The following NOC4L variants were observed in gnomAD, a reference collection of about 807,000 sequenced individuals.
NOC4L encodes nucleolar complex protein 4 homolog.
Under a neutral mutation model 62.8 loss-of-function variants are expected in NOC4L, and 40 were observed. The observed-to-expected ratio is 0.64, with a 90% CI of 0.49 to 0.83. The LOEUF (loss-of-function observed/expected upper bound fraction) is 0.83, where lower values mean the gene tolerates loss of function less well. Among genes scored for constraint, NOC4L ranks in the 40% least tolerant of loss-of-function variants. The probability of loss-of-function intolerance (pLI) is 0.00; values close to 1 mark genes in which losing one functional copy is unlikely to be tolerated. For missense variants in NOC4L, 927 were observed against 701.9 expected (o/e 1.32, Z -3.62); for synonymous variants, 433 against 299.8 (o/e 1.44, Z -4.59).
rs745732349 is a variant in NOC4L, at chr12:132,144,990, C to T, written c.238+16C>T. On this transcript the variant is annotated intron_variant, in intron 2 of 14. Coordinates refer to ENST00000330579, the MANE Select transcript of NOC4L (RefSeq NM_024078.3). ...GTCATGACAGGTGAGCCCTGGAGGG[C>T]CCCGGGGCTGCTCTTCTCTTTCCGT... The T allele has an allele frequency of 1.3e-6, 2 of 1,583,332 alleles. No individual in the cohort carries two copies. The highest frequency in any genetic ancestry group is 1.7e-6 in the Non-Finnish European group (2 of 1,164,494).
In NOC4L at chr12:132,152,385, A is replaced by G; in HGVS notation, c.1535A>G (p.His512Arg). The G allele has an allele frequency of 6.3e-7, 1 of 1,580,202 alleles. No individual in the cohort carries two copies. Among genetic ancestry groups the G allele is most frequent in the Non-Finnish European group, 8.6e-7 (1 of 1,161,888 alleles). The stretch of plus-strand genomic sequence containing the variant: ...CGGCCGGGTGAACTCTGTGCCCAGC[A>G]CTTCACGCTCAGCTGACCCTGGCCC... ...LGRPGELCAQ[H>R]FTLS The change falls in exon 15 of 15, where the codon CAC becomes CGC. Residue 512 changes from histidine (H) to arginine (R), a missense_variant. Coordinates refer to ENST00000330579, the MANE Select transcript of NOC4L (RefSeq NM_024078.3).
intron 3 of NOC4L, 41 bp from the exon 4 acceptor site, chr12:132,147,240 G>C (rs189528959): frequency 1.2e-5 from 17 of 1,403,722 alleles, no homozygotes; most frequent in Non-Finnish European, 9.5e-7. Context: ...CCATCCGTGG[G>C]GTGAGGGCAT....
In NOC4L at chr12:132,152,340, C is replaced by A. The variant is rs768262730; in HGVS notation, c.1490C>A (p.Pro497Gln). The change falls in exon 15 of 15, where the codon CCA becomes CAA. Residue 497 changes from proline to glutamine, a missense_variant. Pro to Gln is a moderately conservative substitution (Grantham distance 76). Coordinates refer to ENST00000330579, the MANE Select transcript of NOC4L (RefSeq NM_024078.3). ...GPEPVPLEFI[P>Q]AQGLLGRPGE... Reference sequence around the variant, plus strand: ...GAGCCGGTGCCACTGGAGTTTATCCCAGCCCAGGGCCTGCTGGGACGGCCG... The same window carrying A: ...GAGCCGGTGCCACTGGAGTTTATCCAAGCCCAGGGCCTGCTGGGACGGCCG... The A allele has an allele frequency of 6.4e-7, 1 of 1,569,234 alleles. No homozygotes were observed. The highest frequency in any genetic ancestry group is 2.4e-5 in the East Asian group (1 of 42,236).
chr12:132,146,618 C>T (rs868796803), intron 3 of NOC4L, among the ~76,000 whole-genome samples: 5 of 152,218 alleles, frequency 3.3e-5, no homozygotes, highest in Admixed American at 6.5e-5. Context: ...CTCGCCAACA[C>T]GTCTGTCTAT....
chr12:132,145,512 G>T, intron 2 of NOC4L, 47 bp from the exon 3 acceptor site: 1 of 1,277,136 alleles, frequency 7.8e-7, no homozygotes, highest in South Asian at 1.3e-5. Flanking sequence ...GGCCCAGGGT[G>T]GCGTATGTGG....
chr12:132,152,055 G>T, intron 13 of NOC4L, 29 bp from the exon 14 acceptor site: 1 of 1,562,032 alleles, frequency 6.4e-7, no homozygotes, highest in Non-Finnish European at 8.7e-7. Flanking sequence ...GCCTGGGGCA[G>T]CTGCCTCTTA....
At chr12:132,148,329 A>G (rs1897803979) in intron 7 of NOC4L, among the ~76,000 whole-genome samples, 1 of 152,084 alleles carries the variant, frequency 6.6e-6, no homozygotes, top group South Asian at 2.1e-4. Flanking sequence ...TCTTGGAGTC[A>G]AGCCTCTGGT....
Position 132,152,410 on chromosome 12 carries a change from C to T in NOC4L, c.*9C>T. On this transcript the variant is annotated 3_prime_UTR_variant, in exon 15 of 15. Coordinates refer to ENST00000330579, the MANE Select transcript of NOC4L (RefSeq NM_024078.3). ...ACTTCACGCTCAGCTGACCCTGGCC[C>T]ACCTGTGAATAAATCTCAGCTGACC... The T allele has an allele frequency of 6.4e-7, 1 of 1,571,380 alleles. No individual in the cohort carries two copies. Among genetic ancestry groups the T allele is most frequent in the Non-Finnish European group, 8.7e-7 (1 of 1,155,584 alleles).
intron 4 of NOC4L, 74 bp downstream of exon 4, chr12:132,147,462 C>T (rs560256136): frequency 4.8e-6 from 7 of 1,470,346 alleles, no homozygotes; most frequent in South Asian, 3.7e-5. Flanking sequence ...GTAGTGGGGG[C>T]GGGGCCTGCT....
chr12:132,146,815 AC>A (rs1385663740), intron 3 of NOC4L, among the ~76,000 whole-genome samples: 1 of 152,092 alleles, frequency 6.6e-6, no homozygotes, highest in East Asian at 1.9e-4. Flanking sequence ...GTCATCCCGC[AC>A]GAGGCTCTTT....
At chr12:132,151,125 TC>T in intron 10 of NOC4L, 84 bp downstream of exon 10, 1 of 1,439,828 alleles carries the variant, frequency 6.9e-7, no homozygotes, top group Non-Finnish European at 9.7e-7. Flanking sequence ...CCCCACGGGG[TC>T]CCCGCTTTCC....
At position 132,148,747 on chromosome 12, in the gene NOC4L, ACCCGCCCCTCACCCCCACCTGCCGGCC is replaced by A. The variant is rs1565960015; in HGVS notation, c.790-29_790-3del. 4 of 94,710 alleles carry A rather than the reference ACCCGCCCCTCACCCCCACCTGCCGGCC, an allele frequency of 4.2e-5. No individual in the cohort carries two copies. In the South Asian group the frequency reaches 6.9e-4, roughly 16 times the overall value. The allele number at this position is 94,710 out of a possible 1,614,324, so 5.9% of individuals were successfully genotyped here. The stretch of plus-strand genomic sequence containing the variant: ...CACCCCGACCCGCCGGCCCCCGCCC[ACCCGCCCCTCACCCCCACCTGCCGGCC>A]CCCGCCCAGCTGCCCCTCAGCCTCT... On this transcript the variant is annotated splice_polypyrimidine_tract_variant and intron_variant, in intron 8 of 14. Coordinates refer to ENST00000330579, the MANE Select transcript of NOC4L (RefSeq NM_024078.3).
intron 7 of NOC4L, 46 bp downstream of exon 7, chr12:132,148,152 G>A: frequency 4.4e-6 from 7 of 1,601,502 alleles, no homozygotes; most frequent in Non-Finnish European, 6.0e-6. Context: ...GTTTGGGGGT[G>A]TGTGTGGGGT....
At chr12:132,148,191 C>T (rs944269095) in intron 7 of NOC4L, 85 bp downstream of exon 7, 7 of 1,409,360 alleles carry the variant, frequency 5.0e-6, no homozygotes, top group African/African-American at 4.2e-5. Context: ...AGGCTGCCGC[C>T]TTCCTCACCA....
intron 7 of NOC4L, among the ~76,000 whole-genome samples, 198 bp from the exon 8 acceptor site, chr12:132,148,411 T>C (rs991592156): frequency 2.0e-5 from 3 of 152,208 alleles, no homozygotes; most frequent in Admixed American, 2.0e-4. Flanking sequence ...AAAGCTGCTT[T>C]CTTGGCTGTT....
At position 132,152,279 on chromosome 12, in the gene NOC4L, C is replaced by T; in HGVS notation, c.1432-3C>T. 1 of 1,572,580 alleles carries T rather than the reference C, an allele frequency of 6.4e-7. No homozygotes were observed. Among genetic ancestry groups the T allele is most frequent in the Non-Finnish European group, 8.6e-7 (1 of 1,159,502 alleles). Reference sequence around the variant, plus strand: ...GAGAGCCGCCGTGCTTTGTGCTTTGCAGATCTTTGAGCGGGACCTGAAGAA... The same window carrying T: ...GAGAGCCGCCGTGCTTTGTGCTTTGTAGATCTTTGAGCGGGACCTGAAGAA... On this transcript the variant is annotated splice_polypyrimidine_tract_variant and splice_region_variant and intron_variant, in intron 14 of 14. Coordinates refer to ENST00000330579, the MANE Select transcript of NOC4L (RefSeq NM_024078.3).
In NOC4L at chr12:132,151,015, G is replaced by A. The variant is rs754211115; in HGVS notation, c.936G>A (p.Leu312=). The change falls in exon 10 of 15, where the codon CTG becomes CTA. Residue 312 remains leucine, a synonymous_variant. Coordinates refer to ENST00000330579, the MANE Select transcript of NOC4L (RefSeq NM_024078.3). ...TCAGCCTCTTGGCCTTGAACGGGCT[G>A]TTCATCTTGATTCACAAACACAACC... The part of the protein sequence containing the change: ...GALSLLALNG[L]FILIHKHNLE... The A allele has an allele frequency of 9.9e-6, 16 of 1,611,280 alleles. No individual in the cohort carries two copies. The Admixed American group carries it at 1.3e-4, about 13-fold the overall frequency.
At position 132,145,568 on chromosome 12, in the gene NOC4L, G is replaced by C; in HGVS notation, c.248G>C (p.Gly83Ala). 1 of 1,611,930 alleles carries C rather than the reference G, an allele frequency of 6.2e-7. No homozygotes were observed. The highest frequency in any genetic ancestry group is 1.7e-4 in the Middle Eastern group (1 of 6,046). The change falls in exon 3 of 15, where the codon GGA becomes GCA. Residue 83 changes from glycine (G) to alanine (A), a missense_variant. Coordinates refer to ENST00000330579, the MANE Select transcript of NOC4L (RefSeq NM_024078.3). ...SEEMVMTGSQGATRKYKVWMR... is the reference protein window; with the variant it reads ...SEEMVMTGSQAATRKYKVWMR... ...CCTAACCTGTCTGCAGGGTCCCAGG[G>C]AGCCACACGGAAGTACAAGGTGTGG...
rs201170014 is a variant in NOC4L, at chr12:132,148,778, G to A, written c.790-6G>A. The A allele has an allele frequency of 2.4e-3, 2,201 of 929,936 alleles. 23 individuals carry two copies. The African/African-American group carries it at 0.058, about 25-fold the overall frequency. 57.6% of individuals were successfully genotyped at this position (929,936 alleles called of 1,614,324 possible). A position where few individuals can be genotyped will look rare whatever the true frequency, so the allele number is the denominator to read the frequency against. The stretch of plus-strand genomic sequence containing the variant: ...CCCTCACCCCCACCTGCCGGCCCCC[G>A]CCCAGCTGCCCCTCAGCCTCTACAA... On this transcript the variant is annotated splice_region_variant and splice_polypyrimidine_tract_variant and intron_variant, in intron 8 of 14. Coordinates refer to ENST00000330579, the MANE Select transcript of NOC4L (RefSeq NM_024078.3).
Sources: gnomAD v4.1 joint callset for allele counts (sites outside exome capture counted in the v4.1 genomes callset) on GRCh38, gnomAD v4.1.1 for gene constraint, MANE v1.5 for transcripts, NCBI Gene and HGNC (gene_info 2026-07-23, HGNC 2026-07-21) for gene names.